GALNT14: variants seen among roughly 807,000 people sequenced by gnomAD.
GALNT14 encodes the protein UDP-GalNAc:polypeptide N-acetylgalactosaminyltransferase 14.
In GALNT14, 60 loss-of-function variants were observed where a neutral mutation model predicts 77.5. That is an observed-to-expected ratio of 0.77 (90% CI 0.63 to 0.96). The LOEUF is 0.96. GALNT14 is among the 40% of genes least tolerant of loss of function. The pLI, the probability that GALNT14 is intolerant of heterozygous loss-of-function variation, is 0.00. For synonymous variants in GALNT14, 280 were observed against 281.7 expected (o/e 0.99, Z 0.06); for missense variants, 710 against 731.0 (o/e 0.97, Z 0.33).
At chr2:31,012,365 C>T (rs574961571) in intron 1 of GALNT14, among the ~76,000 whole-genome samples, 1 of 152,286 alleles carries the variant, frequency 6.6e-6, no homozygotes, top group Non-Finnish European at 1.5e-5. Context: ...AATAGTGTCC[C>T]CTCTTCTTAT....
intron 1 of GALNT14, among the ~76,000 whole-genome samples, chr2:31,054,416 C>T (rs1674085533): frequency 1.3e-5 from 2 of 152,170 alleles, no homozygotes; most frequent in Admixed American, 6.5e-5. Flanking sequence ...TCCCTCCGTC[C>T]TCATATCCTG....
chr2:31,043,950 CTCCCTGCA>C (rs11276859), intron 1 of GALNT14, among the ~76,000 whole-genome samples: 107,653 of 151,820 alleles, frequency 0.71, 38,621 homozygotes, highest in East Asian at 0.98. Context: ...TTACAGCGTG[CTCCCTGCA>C]TCCCAGGGAC....
intron 1 of GALNT14, among the ~76,000 whole-genome samples, chr2:31,115,034 C>A (rs2148629977): frequency 6.6e-6 from 1 of 152,092 alleles, no homozygotes; most frequent in East Asian, 1.9e-4. Flanking sequence ...ACCACTTGAG[C>A]CCAGGAGTTC....
At chr2:30,907,281 T>G (rs1664170046), downstream of GALNT14, among the ~76,000 whole-genome samples, 1 of 152,084 alleles carries the variant, frequency 6.6e-6, no homozygotes, top group African/African-American at 2.4e-5. Context: ...GCTGGTTTTT[T>G]GAAAGGATCA....
intron 1 of GALNT14, among the ~76,000 whole-genome samples, chr2:31,072,379 T>C: frequency 6.6e-6 from 1 of 152,040 alleles, no homozygotes; most frequent in African/African-American, 2.4e-5. Flanking sequence ...TGCTCTCTTT[T>C]TTTTTCTTTT....
chr2:30,985,150 G>GTGAATGAATGAA (rs58766997), intron 2 of GALNT14, among the ~76,000 whole-genome samples: 177 of 151,304 alleles, frequency 1.2e-3, no homozygotes, highest in African/African-American at 4.1e-3. Context: ...AAATGAGTGA[G>GTGAATGAATGAA]TGAATGAATG....
Position 31,056,302 on chromosome 2 carries a change from C to T in GALNT14, c.130-63295G>A, listed in dbSNP as rs183310700. 8.5e-5 allele frequency among the ~76,000 whole-genome samples: 13 copies of T among 152,322 alleles called. No homozygotes were observed. In the East Asian group the frequency reaches 9.7e-4, roughly 11 times the overall value. ...TTTACCATTGTCCGTTTGGTAGGTT[C>T]GGGCTCATCTGTCCCCACTCTCCTT... On this transcript the variant is annotated intron_variant, in intron 1 of 14. Transcript: ENST00000349752.
chr2:31,079,537 C>T (rs958426581), intron 1 of GALNT14, among the ~76,000 whole-genome samples: 4 of 152,142 alleles, frequency 2.6e-5, no homozygotes, highest in East Asian at 3.9e-4. Context: ...TAAGTCAAAA[C>T]GGTAGTTGAA....
chr2:31,102,707 C>A (rs1170974000), intron 1 of GALNT14, among the ~76,000 whole-genome samples: 1 of 152,024 alleles, frequency 6.6e-6, no homozygotes, highest in Non-Finnish European at 1.5e-5. Flanking sequence ...GATTTTTATT[C>A]TTTGTCTAGG....
At chr2:31,114,844 A>G (rs1024081696) in intron 1 of GALNT14, 1 of 716,056 alleles carries the variant, frequency 1.4e-6, no homozygotes, top group Non-Finnish European at 2.6e-6. Flanking sequence ...CCCAAAGATA[A>G]GGAGAAAATG....
intron 1 of GALNT14, 135 bp downstream of exon 1, chr2:31,137,823 C>T (rs915470100): frequency 8.9e-7 from 1 of 1,127,006 alleles, no homozygotes; most frequent in Non-Finnish European, 1.2e-6. Flanking sequence ...ATGGTAGCCA[C>T]ATCCGGCGGC....
intron 1 of GALNT14, among the ~76,000 whole-genome samples, chr2:31,130,054 C>T (rs1368449754): frequency 1.3e-5 from 2 of 152,228 alleles, no homozygotes; most frequent in Non-Finnish European, 2.9e-5. Flanking sequence ...CCCTGCTCTC[C>T]TGCATTTCCT....
chr2:30,964,339 G>A (rs1667870644), intron 3 of GALNT14, among the ~76,000 whole-genome samples: 1 of 152,166 alleles, frequency 6.6e-6, no homozygotes, highest in South Asian at 2.1e-4. Flanking sequence ...TGGCACTTCA[G>A]AACCAGCCAC....
chr2:31,015,147 C>T (rs1174964710), intron 1 of GALNT14, among the ~76,000 whole-genome samples: 2 of 152,070 alleles, frequency 1.3e-5, no homozygotes, highest in Admixed American at 1.3e-4. Flanking sequence ...AAAACGTTAG[C>T]TGGGCATAGT....
intron 1 of GALNT14, among the ~76,000 whole-genome samples, chr2:31,094,122 C>CTT (rs1676888176): frequency 6.6e-6 from 1 of 152,236 alleles, no homozygotes; most frequent in Non-Finnish European, 1.5e-5. Context: ...GACATTCCAC[C>CTT]ATTGTGATTT....
chr2:31,108,605 G>A (rs186280697), intron 1 of GALNT14, among the ~76,000 whole-genome samples: 5 of 152,272 alleles, frequency 3.3e-5, no homozygotes, highest in Admixed American at 2.0e-4. Context: ...TTGGGCATTC[G>A]GTTTTTCCAA....
intron 1 of GALNT14, among the ~76,000 whole-genome samples, chr2:31,050,532 G>T (rs1673786484): frequency 6.6e-6 from 1 of 152,138 alleles, no homozygotes; most frequent in South Asian, 2.1e-4. Flanking sequence ...ATGCAACGTG[G>T]GGGCCTGGAT....
chr2:31,129,457 C>T (rs774689273), intron 1 of GALNT14: 14 of 985,318 alleles, frequency 1.4e-5, no homozygotes, highest in Non-Finnish European at 1.7e-5. Flanking sequence ...ACCTGCCCAC[C>T]ATAAGGACAT....
chr2:30,932,340 C>T (rs1665789958), intron 9 of GALNT14, 146 bp from the exon 10 acceptor site: 1 of 699,780 alleles, frequency 1.4e-6, no homozygotes. Flanking sequence ...GCTGAGAGAC[C>T]TCAGTTTCCC....
Sources: gnomAD v4.1 joint callset for allele counts (sites outside exome capture counted in the v4.1 genomes callset) on GRCh38, gnomAD v4.1.1 for gene constraint, MANE v1.5 for transcripts, NCBI Gene and HGNC (gene_info 2026-07-23, HGNC 2026-07-21) for gene names.